The following CUL2 variants were observed in gnomAD, a reference collection of about 807,000 sequenced individuals.
CUL2 encodes cullin 2, also known as cullin-2.
CUL2 carries 22 observed loss-of-function variants against 110.2 expected under a neutral mutation model. The observed-to-expected ratio is 0.20, with a 90% CI of 0.14 to 0.28. The LOEUF is 0.28. Ranked by LOEUF, CUL2 falls within the 10% of genes least tolerant of loss-of-function variation. The probability of loss-of-function intolerance (pLI) is 1.00; values close to 1 mark genes in which losing one functional copy is unlikely to be tolerated. For missense variants in CUL2, 631 were observed against 905.5 expected (o/e 0.70, Z 3.89); for synonymous variants, 279 against 293.2 (o/e 0.95, Z 0.49).
intron 10 of CUL2, among the ~76,000 whole-genome samples, chr10:35,034,934 A>G (rs543764237): frequency 6.6e-6 from 1 of 152,342 alleles, no homozygotes; most frequent in East Asian, 1.9e-4. Context: ...AAAGTTAACA[A>G]CTGTTCAATG....
At chr10:35,058,618 G>C (rs1474808387) in intron 4 of CUL2, among the ~76,000 whole-genome samples, 2 of 152,162 alleles carry the variant, frequency 1.3e-5, no homozygotes, top group Admixed American at 6.5e-5. Context: ...CCTTCCCTGA[G>C]ATGTCTGCAC....
intron 9 of CUL2, among the ~76,000 whole-genome samples, chr10:35,036,505 T>C (rs1008509752): frequency 6.6e-6 from 1 of 152,144 alleles, no homozygotes; most frequent in African/African-American, 2.4e-5. Flanking sequence ...ATATGCATAA[T>C]ATATCCCACT....
At chr10:35,056,656 A>C (rs1245498510) in intron 4 of CUL2, among the ~76,000 whole-genome samples, 2 of 152,168 alleles carry the variant, frequency 1.3e-5, no homozygotes, top group Non-Finnish European at 2.9e-5. Context: ...GCCCACACAG[A>C]GCTCACTCTG....
At chr10:35,054,959 A>T (rs770318557) in intron 4 of CUL2, among the ~76,000 whole-genome samples, 1 of 152,250 alleles carries the variant, frequency 6.6e-6, no homozygotes, top group Non-Finnish European at 1.5e-5. Context: ...AAAAAAGATC[A>T]CAATCAGTAG....
Position 35,008,567 on chromosome 10 carries a change from T to C in CUL2, c.*1744A>G, listed in dbSNP as rs1444062294. On this transcript the variant is annotated 3_prime_UTR_variant, in exon 21 of 21. Coordinates refer to ENST00000374749, the MANE Select transcript of CUL2 (RefSeq NM_003591.4). ...AAAAAGGAATCAATTTGGAAAACTT[T>C]TATCAATCAACAAGTTATCAAAACA... 6.6e-6 allele frequency: 1 copy of C among 152,226 alleles called. No individual in the cohort carries two copies. Among genetic ancestry groups the C allele is most frequent in the Admixed American group, 6.5e-5 (1 of 15,276 alleles). The allele number at this position is 152,226 out of a possible 1,614,324, so 9.4% of individuals were successfully genotyped here.
chr10:35,011,444 CCT>C (rs1303284074), intron 20 of CUL2, among the ~76,000 whole-genome samples: 3 of 151,902 alleles, frequency 2.0e-5, no homozygotes, highest in African/African-American at 7.3e-5. Context: ...ATGGTGAAAC[CCT>C]GTCTCTACGA....
chr10:35,077,314 AAAAC>A (rs981743523), intron 1 of CUL2, among the ~76,000 whole-genome samples: 17 of 146,706 alleles, frequency 1.2e-4, no homozygotes, highest in East Asian at 9.9e-4. Context: ...ACAAAAAACA[AAAAC>A]AAACAAACAA....
intron 18 of CUL2, among the ~76,000 whole-genome samples, chr10:35,014,142 C>T (rs1437223493): frequency 6.6e-6 from 1 of 152,100 alleles, no homozygotes; most frequent in African/African-American, 2.4e-5. Context: ...TATGAAACAC[C>T]AAAGTGCGTA....
upstream of CUL2, among the ~76,000 whole-genome samples, chr10:35,093,676 AAAAAAGAAAAG>A (rs1002415924): frequency 1.0e-4 from 15 of 150,722 alleles, no homozygotes; most frequent in South Asian, 1.7e-3. Context: ...AAAAAAAAAA[AAAAAAGAAAAG>A]AAAAGAAGAA....
At position 35,073,603 on chromosome 10, in the gene CUL2, CTT is replaced by C. The variant is rs1441486335; in HGVS notation, c.-22-2266_-22-2265del. 1.4e-5 allele frequency among the ~76,000 whole-genome samples: 2 copies of C among 143,516 alleles called. 1 individual carries two copies. The highest frequency in any genetic ancestry group is 5.2e-5 in the African/African-American group (2 of 38,452). The allele number at this position is 143,516 out of a possible 152,430, so 94.2% of individuals were successfully genotyped here. A position where few individuals can be genotyped will look rare whatever the true frequency, so the allele number is the denominator to read the frequency against. On this transcript the variant is annotated intron_variant, in intron 1 of 20. Coordinates refer to ENST00000374749, the MANE Select transcript of CUL2 (RefSeq NM_003591.4). ...TTCTTTTCTTTTTTTTTTTCTTTTT[CTT>C]TTTCTTTTTTTTTTTGAGATGGAGT...
chr10:35,104,812 CTCCG>C lies in CUL2; in HGVS notation c.-50-3756_-50-3753del, dbSNP rs575617712. Among the ~76,000 whole-genome samples the C allele has an allele frequency of 2.9e-3, 437 of 152,096 alleles. 2 individuals carry two copies. The highest frequency in any genetic ancestry group is 9.0e-3 in the African/African-American group (375 of 41,518). ...TGTCACAATCTCAGCTCACTACAAC[CTCCG>C]CCTCCTGGGTTCAAGCGATTCTTTT... is the stretch of plus-strand genomic sequence containing the variant. On this transcript the variant is annotated intron_variant, in intron 1 of 5. Coordinates refer to the CUL2 transcript ENST00000685421.
chr10:35,064,270 G>C (rs1176767853), intron 2 of CUL2, among the ~76,000 whole-genome samples: 1 of 152,126 alleles, frequency 6.6e-6, no homozygotes. Context: ...ATACAAACTG[G>C]AAATAAGGCT....
rs1271516902 is a variant in CUL2, at chr10:35,009,312, A to C, written c.*999T>G. 6.6e-6 allele frequency: 1 copy of C among 151,588 alleles called. No individual in the cohort carries two copies. Among genetic ancestry groups the C allele is most frequent in the Non-Finnish European group, 1.5e-5 (1 of 67,934 alleles). 9.4% of individuals were successfully genotyped at this position (151,588 alleles called of 1,614,324 possible). A position where few individuals can be genotyped will look rare whatever the true frequency, so the allele number is the denominator to read the frequency against. On this transcript the variant is annotated 3_prime_UTR_variant, in exon 21 of 21. Transcript: ENST00000374749. ...AAAAGTATTTAGGTTATGCATTGCT[A>C]AGCACATCTGTGATTGATGAGAGTG...
At chr10:35,087,680 T>A (rs527980466) in intron 1 of CUL2, among the ~76,000 whole-genome samples, 1 of 152,180 alleles carries the variant, frequency 6.6e-6, no homozygotes, top group African/African-American at 2.4e-5. Flanking sequence ...CCCAACTGCA[T>A]GCTCATCCAA....
In CUL2 at chr10:35,009,192, ATATATATAT is replaced by A. The variant is rs1294459228; in HGVS notation, c.*1110_*1118del. 1.9e-5 allele frequency: 2 copies of A among 106,818 alleles called. No homozygotes were observed. The highest frequency in any genetic ancestry group is 2.8e-4 in the East Asian group (1 of 3,600). The allele number at this position is 106,818 out of a possible 1,614,324, so 6.6% of individuals were successfully genotyped here. A position where few individuals can be genotyped will look rare whatever the true frequency, so the allele number is the denominator to read the frequency against. ...TTAACACTGCTGTTGAGATATATATATATATATATTATATATATATATATATATAAAATA... is the reference window on the plus strand; with the variant it reads ...TTAACACTGCTGTTGAGATATATATATATATATATATATATATATAAAATA... On this transcript the variant is annotated 3_prime_UTR_variant, in exon 21 of 21. Coordinates refer to ENST00000374749, the MANE Select transcript of CUL2 (RefSeq NM_003591.4).
chr10:35,039,189 G>A (rs2085713119), intron 8 of CUL2, 107 bp from the exon 9 acceptor site: 2 of 604,354 alleles, frequency 3.3e-6, no homozygotes, highest in South Asian at 3.0e-5. Flanking sequence ...AATTAAACAT[G>A]GCAAAGGTAA....
chr10:35,075,421 A>G (rs2086791370), intron 1 of CUL2, among the ~76,000 whole-genome samples: 1 of 152,222 alleles, frequency 6.6e-6, no homozygotes, highest in Non-Finnish European at 1.5e-5. Context: ...CCAAGCTGTC[A>G]AACAACTCAT....
At chr10:35,047,629 G>C (rs1199397780) in intron 6 of CUL2, among the ~76,000 whole-genome samples, 1 of 150,066 alleles carries the variant, frequency 6.7e-6, no homozygotes, top group Non-Finnish European at 1.5e-5. Flanking sequence ...AAAAATACAG[G>C]CATAAAGGCC....
At chr10:35,071,985 C>T (rs1168420277) in intron 1 of CUL2, among the ~76,000 whole-genome samples, 4 of 152,130 alleles carry the variant, frequency 2.6e-5, no homozygotes, top group African/African-American at 9.7e-5. Flanking sequence ...AGGCCAACTT[C>T]CATCATGGGA....
Sources: gnomAD v4.1 joint callset for allele counts (sites outside exome capture counted in the v4.1 genomes callset) on GRCh38, gnomAD v4.1.1 for gene constraint, MANE v1.5 for transcripts, NCBI Gene and HGNC (gene_info 2026-07-23, HGNC 2026-07-21) for gene names.